Variants in MAGIX observed in about 807,000 individuals in gnomAD.
MAGIX encodes PDZ domain-containing protein MAGIX.
MAGIX carries 13 observed loss-of-function variants against 10.0 expected under a neutral mutation model. The observed-to-expected ratio is 1.30, with a 90% confidence interval of 0.84 to 2.06. The LOEUF (loss-of-function observed/expected upper bound fraction) is 2.06. MAGIX is among the 30% of genes most tolerant of loss of function. The probability of loss-of-function intolerance (pLI) is 0.00; values close to 1 mark genes in which losing one functional copy is unlikely to be tolerated. For synonymous variants in MAGIX, 108 were observed against 106.8 expected, an observed-to-expected ratio of 1.01 and a Z score of -0.07; for missense variants, 235 against 245.2, an observed-to-expected ratio of 0.96 and a Z score of 0.28.
rs781986912 is a variant in MAGIX, at chrX:49,162,957, T to C, written c.-202+212T>C. 2 of 616,435 alleles carry C rather than the reference T, an allele frequency of 3.2e-6. No homozygotes were observed. The highest frequency in any genetic ancestry group is 4.6e-6 in the Non-Finnish European group (2 of 434,853). 50.8% of individuals were successfully genotyped at this position (616,435 alleles called of 1,213,427 possible). On this transcript the variant is annotated intron_variant, in intron 1 of 4. Transcript: ENST00000616266. ...AGAGGAGGTACAGGGATTGGGGTCGTTGGGGAAGGACAGGGCGAGTCGCCG... is the reference window on the plus strand; with the variant it reads ...AGAGGAGGTACAGGGATTGGGGTCGCTGGGGAAGGACAGGGCGAGTCGCCG...
chrX:49,167,374 C>G (rs1557098549), exon 5 of MAGIX: 1 of 113,520 alleles, frequency 8.8e-6, no homozygotes, highest in Non-Finnish European at 1.9e-5. Context: ...CCGGGGTAGC[C>G]GCGAGGAAGG....
Position 49,165,299 on chromosome X carries a change from G to C in MAGIX, c.440G>C (p.Arg147Pro), listed in dbSNP as rs782441419. ...GGCCCCCAGCTCCACCTGGTTATTC[G>C]TCGGCCTCTGGAGACCCACCCTGGC... Residue 147 changes from arginine (R) to proline (P), a missense_variant, in exon 4 of 5, where the codon CGT becomes CCT. Transcript: ENST00000616266. 7 of 1,180,846 alleles carry C rather than the reference G, an allele frequency of 5.9e-6. No individual in the cohort carries two copies. The highest frequency in any genetic ancestry group is 1.8e-5 in the African/African-American group (1 of 56,458).
At chrX:49,165,873 T>A (rs2065362589) in intron 4 of MAGIX, 3 of 417,237 alleles carry the variant, frequency 7.2e-6, no homozygotes, top group Non-Finnish European at 4.2e-6. Context: ...CTGAGGGGCA[T>A]GTTCTGGATC....
chrX:49,163,802 C>G, exon 2 of MAGIX: 1 of 1,051,155 alleles, frequency 9.5e-7, no homozygotes, highest in Non-Finnish European at 1.2e-6. Context: ...CCTCCCCGCT[C>G]GCGGGCCCTA....
chrX:49,165,349 C>A (rs1557097620), exon 4 of MAGIX: 2 of 1,164,358 alleles, frequency 1.7e-6, no homozygotes, highest in East Asian at 3.1e-5. Flanking sequence ...GGGAGAGCCC[C>A]GAAAAGGAGT....
chrX:49,165,023 G>C, exon 3 of MAGIX: 1 of 1,210,903 alleles, frequency 8.3e-7, no homozygotes, highest in Non-Finnish European at 1.1e-6. Context: ...GATGTAGCTG[G>C]GGACACTCCG....
chrX:49,166,058 C>T lies in MAGIX; in HGVS notation c.503-16C>T. 1.7e-6 allele frequency: 2 copies of T among 1,201,710 alleles called. No individual in the cohort carries two copies. Among genetic ancestry groups the T allele is most frequent in the Non-Finnish European group, 2.3e-6 (2 of 887,820 alleles). On this transcript the variant is annotated splice_polypyrimidine_tract_variant and intron_variant, in intron 4 of 4. Transcript: ENST00000616266. The stretch of plus-strand genomic sequence containing the variant: ...GGATTTCCCTTCCCTACTTCACCAC[C>T]CAATCTAATCCGTAGTCCCGTCATG...
exon 5 of MAGIX, chrX:49,166,186 G>T: frequency 8.3e-7 from 1 of 1,211,753 alleles, no homozygotes. Context: ...CGCTCAAGAA[G>T]ACCCGGGGCA....
At position 49,165,968 on chromosome X, in the gene MAGIX, C is replaced by G. The variant is rs984828715; in HGVS notation, c.503-106C>G. The stretch of plus-strand genomic sequence containing the variant: ...CAGAAGGCCTGGAGGGGAGATTTCT[C>G]TAAGGGTCAGGGTCTCATCTCCCGC... On this transcript the variant is annotated intron_variant, in intron 4 of 4. Coordinates refer to ENST00000616266, the Ensembl canonical transcript of MAGIX. 7 of 798,646 alleles carry G rather than the reference C, an allele frequency of 8.8e-6. No individual in the cohort carries two copies. The African/African-American group carries it at 1.1e-4, about 12-fold the overall frequency. 65.8% of individuals were successfully genotyped at this position (798,646 alleles called of 1,213,427 possible). A position where few individuals can be genotyped will look rare whatever the true frequency, so the allele number is the denominator to read the frequency against.
intron 2 of MAGIX, 99 bp downstream of exon 2, chrX:49,164,028 G>C: frequency 1.1e-6 from 1 of 871,159 alleles, no homozygotes; most frequent in Non-Finnish European, 1.5e-6. Context: ...GCCCTGTCTT[G>C]GGTGGGGCCA....
chrX:49,166,373 A>G, exon 5 of MAGIX: 1 of 1,145,081 alleles, frequency 8.7e-7, no homozygotes, highest in Non-Finnish European at 1.2e-6. Context: ...CGCTCAGGAG[A>G]TGGCAGCCGG....
rs2065354203 is a variant in MAGIX at position 49,164,797 on chromosome X, C to G, written c.37C>G (p.Leu13Val). 2.5e-6 allele frequency: 3 copies of G among 1,211,048 alleles called. No individual in the cohort carries two copies. Among genetic ancestry groups the G allele is most frequent in the Middle Eastern group, 2.3e-4 (1 of 4,353 alleles). ...GTGGATCACCGGCCCCAGGTACCATCTCATCCTTCTATCGGAGGCCTCCTG... is the reference window on the plus strand; with the variant it reads ...GTGGATCACCGGCCCCAGGTACCATGTCATCCTTCTATCGGAGGCCTCCTG... The change falls in exon 3 of 5, where the codon CTC (leucine) becomes GTC (valine). Residue 13 changes from leucine (L) to valine (V), a missense_variant. Transcript: ENST00000616266.
intron 4 of MAGIX, 30 bp downstream of exon 5, chrX:49,165,391 A>C: frequency 9.0e-7 from 1 of 1,109,543 alleles, no homozygotes. Flanking sequence ...GAAGTCAGAG[A>C]TCAGTGAGGA....
chrX:49,165,320 C>T (rs949090213), exon 4 of MAGIX: 2 of 1,179,905 alleles, frequency 1.7e-6, no homozygotes, highest in African/African-American at 1.8e-5. Flanking sequence ...GAGACCCACC[C>T]TGGCAAGCCT....
chrX:49,163,860 C>A, exon 2 of MAGIX: 3 of 1,039,568 alleles, frequency 2.9e-6, no homozygotes, highest in Admixed American at 5.3e-5. Flanking sequence ...CCTGGCGGCG[C>A]GAGCTGCGGT....
chrX:49,168,343 C>T (rs1298375997), exon 5 of MAGIX: 1 of 108,098 alleles, frequency 9.3e-6, no homozygotes, highest in Non-Finnish European at 1.9e-5. Flanking sequence ...GTAGCAGGTG[C>T]CTGTAATCAC....
chrX:49,166,648 C>A, exon 5 of MAGIX: 2 of 350,642 alleles, frequency 5.7e-6, no homozygotes, highest in Non-Finnish European at 9.9e-6. Flanking sequence ...ACTTGCCAGG[C>A]GCTCGAGGCG....
chrX:49,165,892 G>T (rs1305828356), intron 4 of MAGIX, 182 bp from the exon 6 acceptor site: 4 of 439,256 alleles, frequency 9.1e-6, no homozygotes, highest in Non-Finnish European at 1.6e-5. Context: ...TCCAGGAGGG[G>T]AGGGGTCTCG....
chrX:49,163,828 TGGCGCGGTTGGACGCGCGCCCCCTGGC>T, exon 2 of MAGIX: 1 of 1,042,768 alleles, frequency 9.6e-7, no homozygotes, highest in Non-Finnish European at 1.2e-6. Flanking sequence ...CGGCAGCTCC[TGGCGCGGTTGGACGCGCGCCCCCTGGC>T]GGCGCGAGCT....
Sources: gnomAD v4.1 joint callset for allele counts on GRCh38, gnomAD v4.1.1 for gene constraint, MANE v1.5 for transcripts, NCBI Gene and HGNC (gene_info 2026-07-23, HGNC 2026-07-21) for gene names.